The following CCDC149 variants were observed in gnomAD, a reference collection of about 807,000 sequenced individuals.
CCDC149 encodes coiled-coil domain-containing protein 149.
A neutral mutation model predicts 59.9 loss-of-function variants in CCDC149; 45 were observed. The observed-to-expected ratio is 0.75, with a 90% CI of 0.59 to 0.96. The LOEUF is 0.96. Among genes scored for constraint, CCDC149 ranks in the 40% least tolerant of loss-of-function variants. The pLI is 0.00. For missense variants in CCDC149, 584 were observed against 664.7 expected (o/e 0.88, Z 1.33); for synonymous variants, 245 against 260.6 (o/e 0.94, Z 0.58).
chr4:24,825,339 TC>T (rs1438192981), intron 9 of CCDC149, among the ~76,000 whole-genome samples: 3 of 152,286 alleles, frequency 2.0e-5, no homozygotes, highest in Non-Finnish European at 4.4e-5. Flanking sequence ...GCACAGATGC[TC>T]CCTTGGTGTC....
intron 1 of CCDC149, among the ~76,000 whole-genome samples, chr4:24,886,737 C>T (rs1305967287): frequency 6.6e-6 from 1 of 152,026 alleles, no homozygotes; most frequent in Non-Finnish European, 1.5e-5. Flanking sequence ...ATTAATCATA[C>T]ACAGAAACAC....
intron 12 of CCDC149, among the ~76,000 whole-genome samples, chr4:24,817,125 G>A (rs535563993): frequency 1.3e-5 from 2 of 152,278 alleles, no homozygotes; most frequent in South Asian, 2.1e-4. Flanking sequence ...GACTTACAAC[G>A]CCCTTGTGAA....
In CCDC149 at chr4:24,896,244, A is replaced by G. The variant is rs74404083; in HGVS notation, c.63+16573T>C. 3.4e-3 allele frequency among the ~76,000 whole-genome samples: 516 copies of G among 152,238 alleles called. 2 individuals are homozygous for G. The highest frequency in any genetic ancestry group is 6.1e-3 in the Non-Finnish European group (414 of 68,010). ...CATTACCACCTGCTCAGTCTAATCCACAAGCTTGTTATGAGGGTTCCATAA... is the reference window on the plus strand; with the variant it reads ...CATTACCACCTGCTCAGTCTAATCCGCAAGCTTGTTATGAGGGTTCCATAA... On this transcript the variant is annotated intron_variant, in intron 1 of 12. Coordinates refer to ENST00000635206, the MANE Select transcript of CCDC149 (RefSeq NM_001330643.2).
chr4:24,971,267 C>T (rs766866236), intron 1 of CCDC149, among the ~76,000 whole-genome samples: 5 of 152,176 alleles, frequency 3.3e-5, no homozygotes, highest in Non-Finnish European at 7.3e-5. Flanking sequence ...AGTTGTTGCT[C>T]TCTGTGTTGT....
Position 24,806,410 on chromosome 4 carries a change from A to T in CCDC149, c.*1979T>A, listed in dbSNP as rs1714174601. 1 of 152,226 alleles carries T rather than the reference A, an allele frequency of 6.6e-6. No individual in the cohort carries two copies. The highest frequency in any genetic ancestry group is 1.5e-5 in the Non-Finnish European group (1 of 68,054). 9.4% of individuals were successfully genotyped at this position (152,226 alleles called of 1,614,324 possible). ...CTGATGGAATGTGCTGGAGTCTATT[A>T]CGAGCCCTGCTTTTCAGAAGGTGCT... On this transcript the variant is annotated 3_prime_UTR_variant, in exon 13 of 13. Transcript: ENST00000635206.
chr4:24,942,608 T>C (rs762696996), intron 1 of CCDC149, among the ~76,000 whole-genome samples: 1 of 152,204 alleles, frequency 6.6e-6, no homozygotes, highest in Non-Finnish European at 1.5e-5. Context: ...AGTCGAATTG[T>C]CCCTGTTTGC....
At chr4:24,907,425 G>C (rs3857121) in intron 1 of CCDC149, among the ~76,000 whole-genome samples, 63,017 of 151,990 alleles carry the variant, frequency 0.41, 15,406 homozygotes, top group Non-Finnish European at 0.54. Flanking sequence ...GCAGGGCTCT[G>C]AACACAACTC....
intron 1 of CCDC149, among the ~76,000 whole-genome samples, chr4:24,910,404 T>C (rs1467665702): frequency 6.6e-6 from 1 of 152,112 alleles, no homozygotes; most frequent in Non-Finnish European, 1.5e-5. Flanking sequence ...TAAAGTCACA[T>C]TTGCAGCTAC....
intron 1 of CCDC149, among the ~76,000 whole-genome samples, chr4:24,894,371 G>C (rs1309950847): frequency 6.6e-6 from 1 of 152,148 alleles, no homozygotes; most frequent in Non-Finnish European, 1.5e-5. Context: ...TAAACTGAGA[G>C]AGGGTGAAGA....
Position 24,806,341 on chromosome 4 carries a change from C to T in CCDC149, c.*2048G>A, listed in dbSNP as rs1291831132. 1 of 152,344 alleles carries T rather than the reference C, an allele frequency of 6.6e-6. No homozygotes were observed. The highest frequency in any genetic ancestry group is 2.4e-5 in the African/African-American group (1 of 41,406). 9.4% of individuals were successfully genotyped at this position (152,344 alleles called of 1,614,324 possible). ...ACTCCTTATGACTCCTGCTCCCTGC[C>T]CTGCACCCTAGATTCTCTGGGACTC... On this transcript the variant is annotated 3_prime_UTR_variant, in exon 13 of 13. Coordinates refer to ENST00000635206, the MANE Select transcript of CCDC149 (RefSeq NM_001330643.2).
intron 10 of CCDC149, among the ~76,000 whole-genome samples, chr4:24,822,277 C>T (rs1337867017): frequency 1.3e-5 from 2 of 151,842 alleles, no homozygotes; most frequent in Admixed American, 6.6e-5. Flanking sequence ...CAGATGAAAC[C>T]CTGAATATTT....
upstream of CCDC149, among the ~76,000 whole-genome samples, chr4:24,915,221 G>T (rs1722091135): frequency 6.6e-6 from 1 of 152,260 alleles, no homozygotes; most frequent in Non-Finnish European, 1.5e-5. Flanking sequence ...TGCCTAAAAA[G>T]CAAGGTACTG....
chr4:24,937,213 G>T (rs546068028), intron 1 of CCDC149, among the ~76,000 whole-genome samples: 2 of 152,302 alleles, frequency 1.3e-5, no homozygotes, highest in Admixed American at 1.3e-4. Flanking sequence ...AAAGAGACAG[G>T]AATAAATGGA....
intron 12 of CCDC149, among the ~76,000 whole-genome samples, chr4:24,813,514 A>ATATATATATATATATG (rs1714796027): frequency 6.9e-6 from 1 of 143,932 alleles, no homozygotes; most frequent in African/African-American, 2.6e-5. Context: ...ATATATATAT[A>ATATATATATATATATG]TATATATATA....
chr4:24,937,151 A>C (rs145416990), intron 1 of CCDC149, among the ~76,000 whole-genome samples: 54 of 152,356 alleles, frequency 3.5e-4, no homozygotes, highest in African/African-American at 1.1e-3. Context: ...ATTTATTAGA[A>C]GGTTATCAAG....
intron 1 of CCDC149, chr4:24,894,940 G>T (rs910477220): frequency 6.5e-7 from 1 of 1,534,124 alleles, no homozygotes; most frequent in Non-Finnish European, 8.7e-7. Flanking sequence ...AATACAGCAG[G>T]TATTTATAAA....
At chr4:24,932,684 T>C (rs527581727) in intron 1 of CCDC149, among the ~76,000 whole-genome samples, 2 of 152,256 alleles carry the variant, frequency 1.3e-5, no homozygotes, top group Admixed American at 1.3e-4. Flanking sequence ...ATGAGCCTTC[T>C]ACAGACTAAA....
rs570302728 is a variant in CCDC149 at position 24,956,595 on chromosome 4, A to G, written c.-65+23474T>C. Among the ~76,000 whole-genome samples the G allele has an allele frequency of 4.6e-5, 7 of 152,290 alleles. 1 individual carries two copies. In the South Asian group the frequency reaches 1.5e-3, roughly 32 times the overall value. On this transcript the variant is annotated intron_variant, in intron 1 of 12. Transcript: ENST00000389609. ...TCATAGCAATTGGGCCCAGTGAGCG[A>G]GAAGTACTATGGATGCCACAGTAGG...
At chr4:24,980,204 GTCAGTTGGCC>G (rs1724416441), upstream of CCDC149, 1 of 152,178 alleles carries the variant, frequency 6.6e-6, no homozygotes, top group Non-Finnish European at 1.5e-5. Flanking sequence ...ACCAGCTTGA[GTCAGTTGGCC>G]TCAGTTTTGC....
Sources: allele counts gnomAD v4.1 joint callset (sites outside exome capture counted in the v4.1 genomes callset), GRCh38; gene constraint gnomAD v4.1.1; transcripts MANE v1.5; gene names NCBI Gene and HGNC (gene_info 2026-07-23, HGNC 2026-07-21).